Variants in AXL observed in about 807,000 individuals in gnomAD.
The protein encoded by AXL is AXL receptor tyrosine kinase, also known as tyrosine-protein kinase receptor UFO.
A neutral mutation model predicts 104.5 loss-of-function variants in AXL; 52 were observed. The observed-to-expected ratio is 0.50, with a 90% CI of 0.40 to 0.63. AXL has a LOEUF of 0.63. Ranked by LOEUF, AXL falls within the 20% of genes least tolerant of loss-of-function variation. The probability of loss-of-function intolerance (pLI) is 0.00; values close to 1 mark genes in which losing one functional copy is unlikely to be tolerated. For missense variants in AXL, 1,024 were observed against 1,188.5 expected, an observed-to-expected ratio of 0.86 and a Z score of 2.04; for synonymous variants, 455 against 473.7, an observed-to-expected ratio of 0.96 and a Z score of 0.51.
Position 41,239,681 on chromosome 19 carries a change from T to C in AXL, c.1286-13T>C, listed in dbSNP as rs2034147306. The C allele has an allele frequency of 6.2e-7, 1 of 1,614,152 alleles. No individual in the cohort carries two copies. The highest frequency in any genetic ancestry group is 2.2e-5 in the East Asian group (1 of 44,878). On this transcript the variant is annotated splice_polypyrimidine_tract_variant and intron_variant, in intron 9 of 19. Transcript: ENST00000301178. ...CTCTGAGCACATCTCCTCTCTGTCC[T>C]TTCTTCTCACAGGGCAAGCACAGCC...
intron 3 of AXL, 158 bp downstream of exon 3, chr19:41,221,404 G>T: frequency 1.6e-6 from 1 of 631,890 alleles, no homozygotes; most frequent in Non-Finnish European, 2.6e-6. Flanking sequence ...GTTTTGGGTG[G>T]TCAAGAAGCT....
Position 41,246,888 on chromosome 19 carries a change from T to C in AXL, c.1538-1626T>C, listed in dbSNP as rs1250106111. Among the ~76,000 whole-genome samples the C allele has an allele frequency of 2.0e-5, 3 of 152,090 alleles. No individual in the cohort carries two copies. In the East Asian group the frequency reaches 5.8e-4, roughly 29 times the overall value. On this transcript the variant is annotated intron_variant, in intron 12 of 19. Transcript: ENST00000301178. ...TTTTGAATACAGAAATATTGATATATATGTAACATAAACAAAAGCTCTTTC... is the reference window on the plus strand; with the variant it reads ...TTTTGAATACAGAAATATTGATATACATGTAACATAAACAAAAGCTCTTTC...
chr19:41,252,142 T>TTATA (rs1043772790), intron 14 of AXL, among the ~76,000 whole-genome samples: 11 of 122,480 alleles, frequency 9.0e-5, no homozygotes, highest in South Asian at 4.8e-4. Flanking sequence ...AATATATATT[T>TTATA]TATATATATA....
At chr19:41,243,474 A>C (rs2034218119) in intron 11 of AXL, 142 bp from the exon 12 acceptor site, 4 of 728,470 alleles carry the variant, frequency 5.5e-6, no homozygotes, top group Non-Finnish European at 1.0e-5. Context: ...GGCAGAAGGT[A>C]GCTGCCCAAG....
intron 6 of AXL, among the ~76,000 whole-genome samples, chr19:41,235,338 C>A (rs549946203): frequency 6.6e-6 from 1 of 150,938 alleles, no homozygotes; most frequent in African/African-American, 2.4e-5. Context: ...GCAACAAGAG[C>A]GAAACTCCAT....
At position 41,238,117 on chromosome 19, in the gene AXL, C is replaced by T; in HGVS notation, c.957C>T (p.Ser319=). 1 of 1,614,150 alleles carries T rather than the reference C, an allele frequency of 6.2e-7. No homozygotes were observed. Among genetic ancestry groups the T allele is most frequent in the Non-Finnish European group, 8.5e-7 (1 of 1,180,022 alleles). The change falls in exon 7 of 20, where the codon TCC becomes TCT. Residue 319 remains serine, a synonymous_variant. Transcript: ENST00000301178. The part of the protein sequence containing the change: ...VACTSSQGPS[S]WTHWLPVETP... ...GCACCAGCAGCCAGGGCCCCTCATC[C>T]TGGACCCACTGGCTTCCTGTGGAGA... is the stretch of plus-strand genomic sequence containing the variant.
rs143816943 is a variant in AXL at position 41,239,439 on chromosome 19, G to A, written c.1285+125G>A. The A allele has an allele frequency of 2.3e-4, 314 of 1,389,684 alleles. 1 individual carries two copies. The African/African-American group carries it at 4.1e-3, about 18-fold the overall frequency. 86.1% of individuals were successfully genotyped at this position (1,389,684 alleles called of 1,614,324 possible). A position where few individuals can be genotyped will look rare whatever the true frequency, so the allele number is the denominator to read the frequency against. On this transcript the variant is annotated intron_variant, in intron 9 of 19. Transcript: ENST00000301178. ...GTTCCTACCCTGAGCCTTACTGAGA[G>A]CTGCCCTCACTCCCTTACCCATGCC...
chr19:41,230,436 CTG>C lies in AXL; in HGVS notation c.587-524_587-523del, dbSNP rs761197652. The stretch of plus-strand genomic sequence containing the variant: ...GGTGTAAGAGTGAGTGTGCCTGTGA[CTG>C]TGTGTGGTTGTGTGTCTTCATGTGT... On this transcript the variant is annotated intron_variant, in intron 4 of 19. Coordinates refer to ENST00000301178, the MANE Select transcript of AXL (RefSeq NM_021913.5). Among the ~76,000 whole-genome samples, 47 of 147,348 alleles carry C rather than the reference CTG, an allele frequency of 3.2e-4. No individual in the cohort carries two copies. In the East Asian group the frequency reaches 3.4e-3, roughly 11 times the overall value.
At position 41,239,277 on chromosome 19, in the gene AXL, C is replaced by A. The variant is rs1374452115; in HGVS notation, c.1248C>A (p.Pro416=). 1 of 1,604,374 alleles carries A rather than the reference C, an allele frequency of 6.2e-7. No individual in the cohort carries two copies. The highest frequency in any genetic ancestry group is 8.5e-7 in the Non-Finnish European group (1 of 1,175,420). ...CCTACACTGCTGCTGGGGATGGACC[C>A]TGGAGCCTCCCAGTACCCCTGGAGG... ...VAAYTAAGDG[P]WSLPVPLEAW... The change falls in exon 9 of 20, where the codon CCC becomes CCA. Residue 416 remains proline (P), a synonymous_variant. Coordinates refer to ENST00000301178, the MANE Select transcript of AXL (RefSeq NM_021913.5).
intron 4 of AXL, among the ~76,000 whole-genome samples, chr19:41,230,590 G>A (rs1202957856): frequency 6.6e-6 from 1 of 151,384 alleles, no homozygotes; most frequent in Non-Finnish European, 1.5e-5. Flanking sequence ...GTGGCTGTGT[G>A]TGTCTTTGTG....
At chr19:41,244,257 T>C (rs973394236) in intron 12 of AXL, among the ~76,000 whole-genome samples, 1 of 151,796 alleles carries the variant, frequency 6.6e-6, no homozygotes, top group African/African-American at 2.4e-5. Context: ...CTCAGAGCCA[T>C]TGGATCTTAG....
chr19:41,237,240 T>C (rs1255557118), intron 6 of AXL, among the ~76,000 whole-genome samples: 2 of 152,154 alleles, frequency 1.3e-5, no homozygotes, highest in Non-Finnish European at 2.9e-5. Context: ...GCTATTATTA[T>C]GATGATCATT....
In AXL at chr19:41,259,953, C is replaced by T. The variant is rs376391221; in HGVS notation, c.*49C>T. On this transcript the variant is annotated 3_prime_UTR_variant, in exon 20 of 20. Coordinates refer to ENST00000301178, the MANE Select transcript of AXL (RefSeq NM_021913.5). The stretch of plus-strand genomic sequence containing the variant: ...CTCTCAGGATCCAAGCTAAGCACTG[C>T]CACTGGGGAAAACTCCACCTTCCCA... 3.1e-5 allele frequency: 45 copies of T among 1,468,544 alleles called. No individual in the cohort carries two copies. The African/African-American group carries it at 5.9e-4, about 19-fold the overall frequency. 91.0% of individuals were successfully genotyped at this position (1,468,544 alleles called of 1,614,324 possible).
intron 17 of AXL, among the ~76,000 whole-genome samples, chr19:41,254,788 C>T (rs556771038): frequency 6.6e-6 from 1 of 152,132 alleles, no homozygotes; most frequent in African/African-American, 2.4e-5. Context: ...GTGGTGTATA[C>T]CTGTGGTTCC....
In AXL at chr19:41,256,461, G is replaced by C. The variant is rs200876332; in HGVS notation, c.2046G>C (p.Glu682Asp). 6.2e-7 allele frequency: 1 copy of C among 1,613,510 alleles called. No homozygotes were observed. Among genetic ancestry groups the C allele is most frequent in the Non-Finnish European group, 8.5e-7 (1 of 1,179,566 alleles). Residue 682 changes from glutamate to aspartate, a missense_variant, in exon 18 of 20, where the codon GAG becomes GAC. Physicochemically the swap from Glu to Asp is conservative, Grantham distance 45. Transcript: ENST00000301178. ...TCCCCAATCCAAACAGGCTGAATGAGAACATGTCCGTGTGTGTGGCGGACT... is the reference window on the plus strand; with the variant it reads ...TCCCCAATCCAAACAGGCTGAATGACAACATGTCCGTGTGTGTGGCGGACT... ...DLAARNCMLNENMSVCVADFG... is the reference protein window; with the variant it reads ...DLAARNCMLNDNMSVCVADFG...
Position 41,256,561 on chromosome 19 carries a change from A to G in AXL, c.2146A>G (p.Ile716Val). The G allele has an allele frequency of 6.2e-7, 1 of 1,614,002 alleles. No individual in the cohort carries two copies. The highest frequency in any genetic ancestry group is 8.5e-7 in the Non-Finnish European group (1 of 1,179,962). The stretch of plus-strand genomic sequence containing the variant: ...TATCGCCAAGATGCCAGTCAAGTGG[A>G]TTGCCATTGAGAGTCTAGCTGACCG... ...GRIAKMPVKW[I>V]AIESLADRVY... is the part of the protein sequence containing the mutation. The change falls in exon 18 of 20, where the codon ATT becomes GTT. Residue 716 changes from isoleucine (I) to valine (V), a missense_variant. Ile to Val is a conservative substitution (Grantham distance 29). Around this residue, in one of 5 missense-constraint regions of AXL, gnomAD observed 523 missense variants for 636.0 expected, o/e 0.82. Coordinates refer to ENST00000301178, the MANE Select transcript of AXL (RefSeq NM_021913.5).
chr19:41,256,236 AG>A (rs953022764), intron 17 of AXL, among the ~76,000 whole-genome samples: 1 of 152,238 alleles, frequency 6.6e-6, no homozygotes, highest in Non-Finnish European at 1.5e-5. Flanking sequence ...AAAATTGGGA[AG>A]TCCTGAGGAA....
intron 4 of AXL, among the ~76,000 whole-genome samples, chr19:41,222,723 G>C (rs906471572): frequency 6.6e-6 from 1 of 151,166 alleles, no homozygotes; most frequent in Non-Finnish European, 1.5e-5. Flanking sequence ...TGGCTAACAC[G>C]GTGAAACCCC....
chr19:41,220,419 C>T (rs150942401), intron 1 of AXL: 208 of 538,170 alleles, frequency 3.9e-4, no homozygotes, highest in African/African-American at 2.0e-3. Context: ...GCCTCCTTCC[C>T]GACGGGATGG....
Sources: gnomAD v4.1 joint callset for allele counts (sites outside exome capture counted in the v4.1 genomes callset) on GRCh38, gnomAD v4.1.1 for gene constraint, gnomAD v4.1.1 regional missense constraint, MANE v1.5 for transcripts, NCBI Gene and HGNC (gene_info 2026-07-23, HGNC 2026-07-21) for gene names.